Variants in ARHGAP31 observed in about 807,000 individuals in gnomAD.
ARHGAP31 encodes the protein rho GTPase-activating protein 31.
ARHGAP31 carries 34 observed loss-of-function variants against 113.9 expected under a neutral mutation model. That is an observed-to-expected ratio of 0.30 (90% CI 0.23 to 0.40). The LOEUF is 0.40. Ranked by LOEUF, ARHGAP31 falls within the 10% of genes least tolerant of loss-of-function variation. The probability of loss-of-function intolerance (pLI) is 1.00; values close to 1 mark genes in which losing one functional copy is unlikely to be tolerated. For missense variants in ARHGAP31, 1,548 were observed against 1,767.1 expected (o/e 0.88, Z 2.22); for synonymous variants, 650 against 684.8 (o/e 0.95, Z 0.79).
chr3:119,368,946 G>A (rs1345837636), intron 3 of ARHGAP31, among the ~76,000 whole-genome samples: 2 of 152,164 alleles, frequency 1.3e-5, no homozygotes, highest in African/African-American at 2.4e-5. Flanking sequence ...AAAGAGGTGG[G>A]TGGGTAGAGA....
intron 3 of ARHGAP31, among the ~76,000 whole-genome samples, chr3:119,379,234 A>G (rs942493929): frequency 3.3e-5 from 5 of 152,218 alleles, no homozygotes; most frequent in African/African-American, 1.2e-4. Flanking sequence ...GAGACAGACA[A>G]TAAGCAATAA....
intron 1 of ARHGAP31, among the ~76,000 whole-genome samples, chr3:119,332,667 A>ACACATG (rs2079905606): frequency 6.8e-6 from 1 of 146,872 alleles, no homozygotes; most frequent in Non-Finnish European, 1.5e-5. Flanking sequence ...ACACACACAC[A>ACACATG]CACACACACG....
At chr3:119,317,056 G>A (rs1215508860) in intron 1 of ARHGAP31, among the ~76,000 whole-genome samples, 1 of 152,074 alleles carries the variant, frequency 6.6e-6, no homozygotes, top group East Asian at 1.9e-4. Flanking sequence ...AAGACATTTT[G>A]TAAATAGCCT....
At chr3:119,370,801 A>G (rs765946525) in intron 3 of ARHGAP31, among the ~76,000 whole-genome samples, 2 of 152,196 alleles carry the variant, frequency 1.3e-5, no homozygotes, top group African/African-American at 2.4e-5. Flanking sequence ...TATAAACATT[A>G]TAATACACAT....
rs1171682504 is a variant in ARHGAP31, at chr3:119,418,111, C to G, written c.*1847C>G. ...TTACAAACAGTTTTGAAATCTTGTT[C>G]TGTACCTTTTAAGCCAGTGTCTGTG... On this transcript the variant is annotated 3_prime_UTR_variant, in exon 12 of 12. Transcript: ENST00000264245. The G allele has an allele frequency of 7.0e-6, 1 of 143,240 alleles. No homozygotes were observed. Among genetic ancestry groups the G allele is most frequent in the East Asian group, 2.4e-4 (1 of 4,222 alleles). The allele number at this position is 143,240 out of a possible 1,614,324, so 8.9% of individuals were successfully genotyped here.
At chr3:119,295,572 C>G (rs1399979538) in intron 1 of ARHGAP31, among the ~76,000 whole-genome samples, 1 of 152,050 alleles carries the variant, frequency 6.6e-6, no homozygotes, top group Non-Finnish European at 1.5e-5. Context: ...TATAGTACCT[C>G]CACCCCCTTT....
Position 119,294,866 on chromosome 3 carries a change from G to GC in ARHGAP31, c.-38dup. 1 of 1,585,534 alleles carries GC rather than the reference G, an allele frequency of 6.3e-7. No homozygotes were observed. Among genetic ancestry groups the GC allele is most frequent in the South Asian group, 1.1e-5 (1 of 90,450 alleles). ...TCTTACAGCGGTGCCAAGCAGAGGG[G>GC]CGGCAGAGACGGAGGGGCAGCCTCT... On this transcript the variant is annotated 5_prime_UTR_variant, in exon 1 of 12. Transcript: ENST00000264245.
chr3:119,319,008 C>G (rs576812349), intron 1 of ARHGAP31, among the ~76,000 whole-genome samples: 1 of 152,114 alleles, frequency 6.6e-6, no homozygotes, highest in East Asian at 1.9e-4. Context: ...CTGGTCTAGT[C>G]TATCTTGGGA....
At chr3:119,386,619 C>T (rs2080450909) in intron 6 of ARHGAP31, among the ~76,000 whole-genome samples, 1 of 152,192 alleles carries the variant, frequency 6.6e-6, no homozygotes, top group South Asian at 2.1e-4. Context: ...AGACACAAGA[C>T]AAAGGGATAA....
chr3:119,405,496 T>C (rs528402181), intron 10 of ARHGAP31, among the ~76,000 whole-genome samples: 4 of 152,258 alleles, frequency 2.6e-5, no homozygotes, highest in Admixed American at 2.6e-4. Flanking sequence ...CAGCTTCCAC[T>C]TAAGGATGTC....
chr3:119,315,699 T>G (rs188792481), intron 1 of ARHGAP31, among the ~76,000 whole-genome samples: 25 of 152,348 alleles, frequency 1.6e-4, no homozygotes, highest in Non-Finnish European at 2.6e-4. Context: ...TGTGGAGAGA[T>G]AAAGAGCTTT....
intron 1 of ARHGAP31, among the ~76,000 whole-genome samples, chr3:119,313,191 A>G (rs2079697957): frequency 6.6e-6 from 1 of 152,204 alleles, no homozygotes; most frequent in African/African-American, 2.4e-5. Flanking sequence ...AGTATAGTAA[A>G]AAAATTTCCT....
At chr3:119,368,579 T>C (rs1462548220) in intron 3 of ARHGAP31, 63 bp downstream of exon 3, 1 of 1,585,690 alleles carries the variant, frequency 6.3e-7, no homozygotes, top group Non-Finnish European at 8.7e-7. Flanking sequence ...AAGAAGAGTT[T>C]CAGCACTAAA....
chr3:119,337,389 G>C (rs1559971934), intron 1 of ARHGAP31, among the ~76,000 whole-genome samples: 4 of 152,178 alleles, frequency 2.6e-5, no homozygotes, highest in Admixed American at 2.6e-4. Flanking sequence ...CAGGAGTGAA[G>C]CTGCAGACCT....
intron 1 of ARHGAP31, among the ~76,000 whole-genome samples, chr3:119,360,365 G>A (rs2080194977): frequency 6.6e-6 from 1 of 152,208 alleles, no homozygotes; most frequent in Non-Finnish European, 1.5e-5. Context: ...GGAGATGGGG[G>A]AGTGCCTGTT....
At chr3:119,392,939 T>G (rs2080517983) in intron 7 of ARHGAP31, among the ~76,000 whole-genome samples, 1 of 152,170 alleles carries the variant, frequency 6.6e-6, no homozygotes, top group Non-Finnish European at 1.5e-5. Context: ...CTTTAGTGTT[T>G]ACTCCTGTAT....
intron 6 of ARHGAP31, 82 bp downstream of exon 6, chr3:119,383,308 G>T: frequency 5.1e-6 from 8 of 1,566,784 alleles, no homozygotes; most frequent in Non-Finnish European, 6.1e-6. Context: ...GAAAGTGAGG[G>T]TGGGCTTAGT....
At chr3:119,398,191 C>T (rs1425860394) in intron 8 of ARHGAP31, among the ~76,000 whole-genome samples, 1 of 151,908 alleles carries the variant, frequency 6.6e-6, no homozygotes, top group Non-Finnish European at 1.5e-5. Flanking sequence ...TGCTTGAACC[C>T]AGGAGGTTGA....
chr3:119,366,592 A>G (rs918489175), intron 2 of ARHGAP31, among the ~76,000 whole-genome samples: 3 of 152,320 alleles, frequency 2.0e-5, no homozygotes, highest in South Asian at 2.1e-4. Context: ...AATATACCAC[A>G]CAGTACCTAC....
Sources: allele counts gnomAD v4.1 joint callset (sites outside exome capture counted in the v4.1 genomes callset), GRCh38; gene constraint gnomAD v4.1.1; transcripts MANE v1.5; gene names NCBI Gene and HGNC (gene_info 2026-07-23, HGNC 2026-07-21).